Variants in FAM168A observed in about 807,000 individuals in gnomAD.
FAM168A encodes the protein protein FAM168A.
In FAM168A, 3 loss-of-function variants were observed where a neutral mutation model predicts 28.5. The observed-to-expected ratio is 0.11, with a 90% CI of 0.05 to 0.27. The LOEUF (loss-of-function observed/expected upper bound fraction) is 0.27. Among genes scored for constraint, FAM168A ranks in the 10% least tolerant of loss-of-function variants. The pLI is 1.00. For missense variants in FAM168A, 222 were observed against 311.5 expected (o/e 0.71, Z 2.16); for synonymous variants, 122 against 124.2 (o/e 0.98, Z 0.12).
At chr11:73,533,525 C>A (rs2464344) in intron 1 of FAM168A, among the ~76,000 whole-genome samples, 152,159 of 152,160 alleles carry the variant, frequency 1, 76,079 homozygotes, top group Non-Finnish European at 1. Flanking sequence ...AAAGGAGAAC[C>A]ATATTCTCTG....
intron 1 of FAM168A, among the ~76,000 whole-genome samples, chr11:73,478,420 G>A (rs1457043978): frequency 6.6e-6 from 1 of 152,128 alleles, no homozygotes; most frequent in Non-Finnish European, 1.5e-5. Context: ...AGACAAATCT[G>A]TACAGGCAAA....
intron 1 of FAM168A, among the ~76,000 whole-genome samples, chr11:73,588,980 T>C (rs1435457448): frequency 1.3e-5 from 2 of 152,294 alleles, no homozygotes; most frequent in Middle Eastern, 3.4e-3. Context: ...ATCGAGAAGA[T>C]GGCCATCTAG....
At chr11:73,460,783 C>T (rs1867633096) in intron 2 of FAM168A, among the ~76,000 whole-genome samples, 2 of 152,256 alleles carry the variant, frequency 1.3e-5, no homozygotes, top group South Asian at 4.1e-4. Context: ...GGATTACAGG[C>T]GTGAGCCACT....
Position 73,573,906 on chromosome 11 carries a change from G to A in FAM168A, c.-19+24017C>T, listed in dbSNP as rs761204155. Among the ~76,000 whole-genome samples, 5 of 152,158 alleles carry A rather than the reference G, an allele frequency of 3.3e-5. No homozygotes were observed. In the South Asian group the frequency reaches 1.0e-3, roughly 31 times the overall value. On this transcript the variant is annotated intron_variant, in intron 1 of 7. Transcript: ENST00000356467. ...GGAGTTCCACGCTGCAGTAAGCTAT[G>A]AGCGGGACTCTGCACTCCAGCCTGG...
chr11:73,517,191 ATGTG>A (rs887514080), intron 1 of FAM168A, among the ~76,000 whole-genome samples: 3 of 152,102 alleles, frequency 2.0e-5, no homozygotes, highest in Non-Finnish European at 2.9e-5. Context: ...CTAGGACGAC[ATGTG>A]TGCATCACCA....
At chr11:73,554,289 A>T (rs1193457584) in intron 1 of FAM168A, among the ~76,000 whole-genome samples, 1 of 151,740 alleles carries the variant, frequency 6.6e-6, no homozygotes, top group Non-Finnish European at 1.5e-5. Flanking sequence ...AAGACAGAAG[A>T]TCTCGAGCCC....
chr11:73,540,740 T>A (rs1228472624), intron 1 of FAM168A, among the ~76,000 whole-genome samples: 1 of 152,194 alleles, frequency 6.6e-6, no homozygotes, highest in African/African-American at 2.4e-5. Flanking sequence ...CTTTATTTTT[T>A]ATTATGGCCC....
At chr11:73,407,895 G>A (rs142769692) in intron 6 of FAM168A, among the ~76,000 whole-genome samples, 3,038 of 152,188 alleles carry the variant, frequency 0.02, 37 homozygotes, top group Middle Eastern at 0.044. Context: ...TCTTTGAGAC[G>A]GAGTCTCGCT....
chr11:73,550,422 A>C (rs11822984), intron 1 of FAM168A, among the ~76,000 whole-genome samples: 16,385 of 151,732 alleles, frequency 0.11, 997 homozygotes, highest in African/African-American at 0.15. Context: ...GGGAGGCCCA[A>C]GGCAGGCAGA....
At chr11:73,452,084 G>GT (rs1327352260) in intron 2 of FAM168A, 1 of 152,342 alleles carries the variant, frequency 6.6e-6, no homozygotes, top group Non-Finnish European at 1.5e-5. Flanking sequence ...AGGCTGGGGT[G>GT]TTGGAAGTCT....
intron 1 of FAM168A, among the ~76,000 whole-genome samples, chr11:73,539,854 A>C (rs745610116): frequency 5.9e-5 from 9 of 152,246 alleles, no homozygotes; most frequent in Non-Finnish European, 1.2e-4. Context: ...TGGTCTTATA[A>C]GGATGGAGGA....
chr11:73,423,999 A>G (rs1322422035), intron 3 of FAM168A, among the ~76,000 whole-genome samples: 1 of 152,260 alleles, frequency 6.6e-6, no homozygotes, highest in African/African-American at 2.4e-5. Flanking sequence ...TCCTGAGGCA[A>G]ACAAAAAATG....
chr11:73,512,579 T>C (rs1033884246), intron 1 of FAM168A, among the ~76,000 whole-genome samples: 1 of 151,812 alleles, frequency 6.6e-6, no homozygotes, highest in African/African-American at 2.4e-5. Context: ...ATGAATTATA[T>C]CTCAATAAAG....
chr11:73,565,786 A>G (rs1402420870), intron 1 of FAM168A, among the ~76,000 whole-genome samples: 1 of 152,180 alleles, frequency 6.6e-6, no homozygotes, highest in Non-Finnish European at 1.5e-5. Flanking sequence ...AAACAATACC[A>G]TATTAAACAT....
chr11:73,480,906 C>T (rs759438496), intron 1 of FAM168A, among the ~76,000 whole-genome samples: 2 of 152,158 alleles, frequency 1.3e-5, no homozygotes, highest in Non-Finnish European at 2.9e-5. Flanking sequence ...CATTTTTCTG[C>T]CTTCACACTC....
At chr11:73,417,709 G>A (rs1275994589) in intron 4 of FAM168A, among the ~76,000 whole-genome samples, 9 of 151,966 alleles carry the variant, frequency 5.9e-5, no homozygotes, top group African/African-American at 9.7e-5. Context: ...ACAGGCACCC[G>A]CCACCATGCC....
chr11:73,473,363 T>C (rs1343596618), intron 1 of FAM168A, among the ~76,000 whole-genome samples: 1 of 152,144 alleles, frequency 6.6e-6, no homozygotes, highest in African/African-American at 2.4e-5. Flanking sequence ...TCTGGAACAG[T>C]AGGCCTCAAA....
At position 73,586,191 on chromosome 11, in the gene FAM168A, G is replaced by A. The variant is rs898498947; in HGVS notation, c.-19+11732C>T. On this transcript the variant is annotated intron_variant, in intron 1 of 7. Coordinates refer to ENST00000356467, the MANE Select transcript of FAM168A (RefSeq NM_015159.3). ...ACTCATAGGTTTTGGAGGCAGAAAAGTCTGGGGATTAAATCCCACCCTAGT... is the reference window on the plus strand; with the variant it reads ...ACTCATAGGTTTTGGAGGCAGAAAAATCTGGGGATTAAATCCCACCCTAGT... 2.6e-5 allele frequency among the ~76,000 whole-genome samples: 4 copies of A among 152,202 alleles called. No homozygotes were observed. The South Asian group carries it at 8.3e-4, about 31-fold the overall frequency.
intron 1 of FAM168A, among the ~76,000 whole-genome samples, chr11:73,532,070 C>G (rs1258609692): frequency 1.3e-5 from 2 of 150,954 alleles, no homozygotes. Flanking sequence ...TCCTTGGCCT[C>G]CCAAAGTGTT....
Sources: gnomAD v4.1 joint callset for allele counts (sites outside exome capture counted in the v4.1 genomes callset) on GRCh38, gnomAD v4.1.1 for gene constraint, MANE v1.5 for transcripts, NCBI Gene and HGNC (gene_info 2026-07-23, HGNC 2026-07-21) for gene names.